The following SDHB variants were observed in gnomAD, a reference collection of about 807,000 sequenced individuals.
The protein encoded by SDHB is succinate dehydrogenase complex iron sulfur subunit B.
Under a neutral mutation model 39.7 loss-of-function variants are expected in SDHB, and 21 were observed. That is an observed-to-expected ratio of 0.53 (90% CI 0.37 to 0.76). The LOEUF (loss-of-function observed/expected upper bound fraction) is 0.76, where lower values mean the gene tolerates loss of function less well. Ranked by LOEUF, SDHB falls within the 30% of genes least tolerant of loss-of-function variation. The probability of loss-of-function intolerance (pLI) is 0.00; values close to 1 mark genes in which losing one functional copy is unlikely to be tolerated. For synonymous variants in SDHB, 118 were observed against 117.0 expected (o/e 1.01, Z -0.06); for missense variants, 343 against 350.9 (o/e 0.98, Z 0.18).
intron 2 of SDHB, among the ~76,000 whole-genome samples, chr1:17,039,651 C>T (rs887252849): frequency 6.6e-6 from 1 of 151,996 alleles, no homozygotes; most frequent in Admixed American, 6.6e-5. Flanking sequence ...TAGAATTATA[C>T]TTTACATAAT....
chr1:17,049,797 C>T (rs2078135303), intron 1 of SDHB, among the ~76,000 whole-genome samples: 1 of 151,548 alleles, frequency 6.6e-6, no homozygotes, highest in South Asian at 2.1e-4. Flanking sequence ...AGGCGCGTGT[C>T]ACACGCCCGG....
At chr1:17,029,783 G>GT (rs1173047665) in intron 3 of SDHB, among the ~76,000 whole-genome samples, 3 of 152,122 alleles carry the variant, frequency 2.0e-5, no homozygotes, top group African/African-American at 7.2e-5. Flanking sequence ...AAGTACAGTG[G>GT]TGGAGTCATA....
intron 2 of SDHB, among the ~76,000 whole-genome samples, chr1:17,043,159 C>T (rs1249136697): frequency 6.6e-6 from 1 of 151,940 alleles, no homozygotes; most frequent in Non-Finnish European, 1.5e-5. Context: ...TGGGGTTTCA[C>T]CATGTTGGCC....
intron 1 of SDHB, among the ~76,000 whole-genome samples, chr1:17,048,928 C>G (rs1285724018): frequency 6.6e-6 from 1 of 152,122 alleles, no homozygotes; most frequent in Non-Finnish European, 1.5e-5. Flanking sequence ...CCAGGCTGGT[C>G]TTGAACTCCT....
At chr1:17,044,952 G>A in intron 1 of SDHB, 64 bp from the exon 2 acceptor site, 1 of 1,457,064 alleles carries the variant, frequency 6.9e-7, no homozygotes, top group Non-Finnish European at 9.5e-7. Flanking sequence ...ATTCCATTTT[G>A]CTGGCACAAC....
intron 7 of SDHB, among the ~76,000 whole-genome samples, chr1:17,022,285 C>T (rs1278684986): frequency 3.9e-5 from 6 of 152,204 alleles, no homozygotes; most frequent in Non-Finnish European, 8.8e-5. Context: ...CAGCTGCCCA[C>T]GTTCCAACGG....
intron 7 of SDHB, among the ~76,000 whole-genome samples, chr1:17,020,397 G>T (rs1214928866): frequency 6.6e-6 from 1 of 152,194 alleles, no homozygotes; most frequent in Non-Finnish European, 1.5e-5. Context: ...AAACTTGATG[G>T]TTTTCAAGTC....
chr1:17,033,199 T>C (rs2078032967), intron 2 of SDHB, 54 bp from the exon 3 acceptor site: 1 of 1,301,696 alleles, frequency 7.7e-7, no homozygotes, highest in Admixed American at 1.7e-5. Context: ...CTCCCTACAC[T>C]TTATCATAAT....
intron 1 of SDHB, among the ~76,000 whole-genome samples, chr1:17,053,264 T>C (rs748994364): frequency 6.6e-6 from 1 of 152,180 alleles, no homozygotes; most frequent in Non-Finnish European, 1.5e-5. Context: ...CTACCTGTCA[T>C]TCCATGTCAA....
chr1:17,050,655 C>CA lies in SDHB; in HGVS notation c.72+3292dup, dbSNP rs34806121. 7.2e-3 allele frequency among the ~76,000 whole-genome samples: 966 copies of CA among 134,820 alleles called. 5 individuals carry two copies. Among genetic ancestry groups the CA allele is most frequent in the African/African-American group, 0.014 (479 of 34,738 alleles). 88.4% of individuals were successfully genotyped at this position (134,820 alleles called of 152,430 possible). A position where few individuals can be genotyped will look rare whatever the true frequency, so the allele number is the denominator to read the frequency against. Reference sequence around the variant, plus strand: ...CAACAACGTGAGCGTGACTCTGTCTCAAAAAAAAAAAAAAATGTATTTCAT... The same window carrying CA: ...CAACAACGTGAGCGTGACTCTGTCTCAAAAAAAAAAAAAAAATGTATTTCAT... On this transcript the variant is annotated intron_variant, in intron 1 of 7. Coordinates refer to ENST00000375499, the MANE Select transcript of SDHB (RefSeq NM_003000.3).
chr1:17,028,909 G>C (rs2078006579), intron 3 of SDHB, among the ~76,000 whole-genome samples, 173 bp from the exon 4 acceptor site: 1 of 151,938 alleles, frequency 6.6e-6, no homozygotes, highest in African/African-American at 2.4e-5. Context: ...TTCCTGCCTC[G>C]AATGTGGTTC....
In SDHB at chr1:17,053,948, C is replaced by T. The variant is rs1553179312; in HGVS notation, c.72G>A (p.Gln24=). ...CCCTCTCTGAGGCTCCAGGACTCAC[C>T]TGCAGGCAGGCTCCGCCAAGGGTTG... ...PATTLGGACL[Q]ASRGAQTAAA... is the part of the protein sequence containing the mutation. The change falls in exon 1 of 8, where the codon CAG becomes CAA. Residue 24 remains glutamine, a splice_region_variant and synonymous_variant. Coordinates refer to ENST00000375499, the MANE Select transcript of SDHB (RefSeq NM_003000.3). 6.2e-7 allele frequency: 1 copy of T among 1,612,304 alleles called. No homozygotes were observed. The highest frequency in any genetic ancestry group is 1.3e-5 in the African/African-American group (1 of 75,020).
intron 5 of SDHB, among the ~76,000 whole-genome samples, chr1:17,024,413 G>A (rs184069641): frequency 6.6e-5 from 10 of 152,300 alleles, no homozygotes; most frequent in Admixed American, 4.6e-4. Flanking sequence ...AGGTCAAGAC[G>A]GGAGAGATTC....
At chr1:17,036,741 T>G (rs1418107455) in intron 2 of SDHB, among the ~76,000 whole-genome samples, 1 of 146,726 alleles carries the variant, frequency 6.8e-6, no homozygotes, top group African/African-American at 2.5e-5. Flanking sequence ...AATATGAATA[T>G]ATAAATATAA....
intron 5 of SDHB, among the ~76,000 whole-genome samples, chr1:17,024,949 C>G (rs2077983490): frequency 6.6e-6 from 1 of 152,200 alleles, no homozygotes; most frequent in African/African-American, 2.4e-5. Context: ...TATGTCCAGA[C>G]AGCTGGTGGG....
intron 5 of SDHB, among the ~76,000 whole-genome samples, chr1:17,027,097 T>C (rs375799943): frequency 2.6e-5 from 4 of 152,186 alleles, no homozygotes; most frequent in South Asian, 2.1e-4. Flanking sequence ...GTCCCCTTCC[T>C]ACCTCACGTC....
chr1:17,048,964 G>T (rs1188156857), intron 1 of SDHB, among the ~76,000 whole-genome samples: 2 of 152,066 alleles, frequency 1.3e-5, no homozygotes, highest in Non-Finnish European at 2.9e-5. Flanking sequence ...GCCTGCCTTG[G>T]CCTCCCAAAG....
intron 2 of SDHB, among the ~76,000 whole-genome samples, chr1:17,039,563 G>A (rs537822225): frequency 1.1e-3 from 174 of 152,160 alleles, no homozygotes; most frequent in African/African-American, 4.0e-3. Flanking sequence ...AGGGTTTAGT[G>A]AGCCATGATT....
chr1:17,019,500 T>G (rs982722816), intron 7 of SDHB, among the ~76,000 whole-genome samples: 7 of 152,276 alleles, frequency 4.6e-5, no homozygotes, highest in African/African-American at 1.7e-4. Flanking sequence ...ACATCTGCTT[T>G]GCAGGAGGCA....
Sources: allele counts gnomAD v4.1 joint callset (sites outside exome capture counted in the v4.1 genomes callset), GRCh38; gene constraint gnomAD v4.1.1; transcripts MANE v1.5; gene names NCBI Gene and HGNC (gene_info 2026-07-23, HGNC 2026-07-21).